The following ASIC2 variants were observed in gnomAD, a reference collection of about 807,000 sequenced individuals.
The protein encoded by ASIC2 is acid-sensing ion channel 2.
A neutral mutation model predicts 57.3 loss-of-function variants in ASIC2; 25 were observed. That is an observed-to-expected ratio of 0.44 (90% CI 0.32 to 0.61). ASIC2 has a LOEUF of 0.61. Ranked by LOEUF, ASIC2 falls within the 20% of genes least tolerant of loss-of-function variation. The pLI is 0.06. For synonymous variants in ASIC2, 319 were observed against 307.5 expected (o/e 1.04, Z -0.39); for missense variants, 641 against 738.1 (o/e 0.87, Z 1.52).
intron 1 of ASIC2, among the ~76,000 whole-genome samples, chr17:34,011,294 G>T (rs180673428): frequency 2.6e-5 from 4 of 152,110 alleles, no homozygotes; most frequent in African/African-American, 9.6e-5. Context: ...TTTCATGCCC[G>T]TGCCTTCCTC....
intron 1 of ASIC2, among the ~76,000 whole-genome samples, chr17:33,927,099 T>C (rs1349922745): frequency 6.6e-6 from 1 of 152,134 alleles, no homozygotes; most frequent in Non-Finnish European, 1.5e-5. Context: ...TGGCTAATTT[T>C]TGTATTTTTA....
At chr17:33,375,712 G>A (rs943426229) in intron 1 of ASIC2, among the ~76,000 whole-genome samples, 1 of 152,088 alleles carries the variant, frequency 6.6e-6, no homozygotes, top group African/African-American at 2.4e-5. Context: ...CAGGGGAGGT[G>A]GTGAGAAGTA....
chr17:33,579,013 C>T (rs964857113), intron 1 of ASIC2, among the ~76,000 whole-genome samples: 5 of 152,072 alleles, frequency 3.3e-5, no homozygotes, highest in East Asian at 1.9e-4. Flanking sequence ...TGGTCAGGTG[C>T]GCTGTCTCAC....
At chr17:34,071,108 C>T (rs1343027460) in intron 1 of ASIC2, 1 of 152,142 alleles carries the variant, frequency 6.6e-6, no homozygotes, top group Non-Finnish European at 1.5e-5. Flanking sequence ...GTGCACACAC[C>T]CTTGTTACAT....
intron 1 of ASIC2, among the ~76,000 whole-genome samples, chr17:33,567,156 G>A (rs979562335): frequency 1.3e-5 from 2 of 151,832 alleles, no homozygotes; most frequent in African/African-American, 2.4e-5. Flanking sequence ...TGGGGTGGCT[G>A]TGGTGGCTGC....
At chr17:33,311,036 G>T (rs186458686) in intron 1 of ASIC2, among the ~76,000 whole-genome samples, 29 of 152,230 alleles carry the variant, frequency 1.9e-4, no homozygotes, top group African/African-American at 6.7e-4. Context: ...GGGTTCAAAA[G>T]CCCTGAGGAG....
At chr17:34,017,605 C>A (rs1169054366) in intron 1 of ASIC2, among the ~76,000 whole-genome samples, 5 of 152,208 alleles carry the variant, frequency 3.3e-5, no homozygotes, top group African/African-American at 1.2e-4. Flanking sequence ...AGGAGAAGCT[C>A]TTGAAGGAAA....
intron 1 of ASIC2, among the ~76,000 whole-genome samples, chr17:33,587,602 G>A (rs1192464996): frequency 6.6e-6 from 1 of 152,204 alleles, no homozygotes; most frequent in African/African-American, 2.4e-5. Flanking sequence ...GATTGGCCGT[G>A]ATTGACTGCC....
At chr17:33,897,754 G>A (rs563945452) in intron 1 of ASIC2, among the ~76,000 whole-genome samples, 1 of 152,322 alleles carries the variant, frequency 6.6e-6, no homozygotes, top group East Asian at 1.9e-4. Context: ...TAGCTGCAGG[G>A]ATCAGGTGGA....
At chr17:33,536,905 G>C (rs996065602) in intron 1 of ASIC2, among the ~76,000 whole-genome samples, 1 of 152,096 alleles carries the variant, frequency 6.6e-6, no homozygotes, top group African/African-American at 2.4e-5. Flanking sequence ...GCAGGGGGAG[G>C]GGTGCTGAGG....
chr17:33,950,055 A>T (rs1027368220), intron 1 of ASIC2, among the ~76,000 whole-genome samples: 3 of 152,154 alleles, frequency 2.0e-5, no homozygotes, highest in Non-Finnish European at 4.4e-5. Flanking sequence ...GGTCTTGGAG[A>T]ACAGTCCTGA....
At chr17:33,234,905 A>G (rs1367097451) in intron 1 of ASIC2, among the ~76,000 whole-genome samples, 2 of 152,232 alleles carry the variant, frequency 1.3e-5, no homozygotes, top group African/African-American at 2.4e-5. Context: ...CATTCAGACC[A>G]TAACACTATG....
intron 1 of ASIC2, among the ~76,000 whole-genome samples, chr17:33,809,775 A>G (rs1208971789): frequency 3.3e-5 from 5 of 152,246 alleles, no homozygotes; most frequent in African/African-American, 1.2e-4. Flanking sequence ...TATTTAGTGC[A>G]TGAATGCTAA....
chr17:33,042,638 G>C (rs1455687572), intron 3 of ASIC2, among the ~76,000 whole-genome samples: 1 of 152,220 alleles, frequency 6.6e-6, no homozygotes, highest in Non-Finnish European at 1.5e-5. Flanking sequence ...GCCCAGAGAG[G>C]TTAAATGACT....
At chr17:33,903,578 AGTTTATTTAAACATGGAG>A (rs1915276203) in intron 1 of ASIC2, among the ~76,000 whole-genome samples, 1 of 152,210 alleles carries the variant, frequency 6.6e-6, no homozygotes, top group Non-Finnish European at 1.5e-5. Flanking sequence ...AGAATCTCCC[AGTTTATTTAAACATGGAG>A]GGTTTTTTGT....
chr17:33,496,514 G>A (rs1400094666), intron 1 of ASIC2, among the ~76,000 whole-genome samples: 1 of 149,460 alleles, frequency 6.7e-6, no homozygotes, highest in Non-Finnish European at 1.5e-5. Flanking sequence ...GCCATCACCT[G>A]ACAATTCAAA....
chr17:33,585,768 C>T (rs1412922517), intron 1 of ASIC2, among the ~76,000 whole-genome samples: 1 of 152,066 alleles, frequency 6.6e-6, no homozygotes, highest in Non-Finnish European at 1.5e-5. Flanking sequence ...TCCCTTCTGC[C>T]CGCTAGTCTC....
chr17:33,427,829 C>A (rs906098860), intron 1 of ASIC2, among the ~76,000 whole-genome samples: 3 of 152,344 alleles, frequency 2.0e-5, no homozygotes, highest in African/African-American at 7.2e-5. Context: ...ATATGACTAT[C>A]CTATGTAACC....
At chr17:33,904,553 G>T (rs1193895703) in intron 1 of ASIC2, among the ~76,000 whole-genome samples, 2 of 152,194 alleles carry the variant, frequency 1.3e-5, no homozygotes, top group African/African-American at 4.8e-5. Flanking sequence ...CTAAGGTCGA[G>T]AACCACTGGT....
Sources: allele counts gnomAD v4.1 joint callset (sites outside exome capture counted in the v4.1 genomes callset), GRCh38; gene constraint gnomAD v4.1.1; transcripts MANE v1.5; gene names NCBI Gene and HGNC (gene_info 2026-07-23, HGNC 2026-07-21).